ZC3H6: variants seen among roughly 807,000 people sequenced by gnomAD.
ZC3H6 encodes the protein zinc finger CCCH-type containing 6, also known as zinc finger CCCH domain-containing protein 6.
In ZC3H6, 40 loss-of-function variants were observed where a neutral mutation model predicts 107.7. The ratio of observed to expected loss-of-function variants is 0.37; its 90% CI spans 0.29 to 0.48. The LOEUF (loss-of-function observed/expected upper bound fraction) is 0.48. ZC3H6 is among the 20% of genes least tolerant of loss of function. ZC3H6 has a pLI of 0.98. For synonymous variants in ZC3H6, 493 were observed against 487.9 expected (o/e 1.01, Z -0.14); for missense variants, 1,267 against 1,410.4 (o/e 0.90, Z 1.63).
chr2:112,331,048 A>G lies in ZC3H6; in HGVS notation c.2130A>G (p.Gly710=). The G allele has an allele frequency of 6.4e-7, 1 of 1,566,540 alleles. No individual in the cohort carries two copies. Among genetic ancestry groups the G allele is most frequent in the Non-Finnish European group, 8.6e-7 (1 of 1,157,038 alleles). ...NWYSSSEEEE[G]SSVKSILKTL... is the part of the protein sequence containing the mutation. ...ATTCCAGTAGTGAAGAGGAAGAAGGAAGCAGTGTCAAATCAATACTGAAAA... is the reference window on the plus strand; with the variant it reads ...ATTCCAGTAGTGAAGAGGAAGAAGGGAGCAGTGTCAAATCAATACTGAAAA... Residue 710 remains glycine (G), a synonymous_variant, in exon 12 of 12, where the codon GGA becomes GGG. Transcript: ENST00000409871.
intron 3 of ZC3H6, among the ~76,000 whole-genome samples, chr2:112,308,404 T>TTTATTTATTTA (rs1553493700): frequency 7.2e-5 from 10 of 138,274 alleles, no homozygotes; most frequent in African/African-American, 2.8e-4. Context: ...TTTTATTTTA[T>TTTATTTATTTA]TTTATTTATT....
rs1402024491 is a variant in ZC3H6, at chr2:112,335,871, G to C, written c.*3383G>C. 6.6e-6 allele frequency: 1 copy of C among 152,056 alleles called. No homozygotes were observed. Among genetic ancestry groups the C allele is most frequent in the Admixed American group, 6.6e-5 (1 of 15,264 alleles). The allele number at this position is 152,056 out of a possible 1,614,324, so 9.4% of individuals were successfully genotyped here. A position where few individuals can be genotyped will look rare whatever the true frequency, so the allele number is the denominator to read the frequency against. ...CCCTGCCTTAGAGCTATATAGACTT[G>C]GGCCTCTTCAAGATCTGACTTCTCT... On this transcript the variant is annotated 3_prime_UTR_variant, in exon 12 of 12. Coordinates refer to ENST00000409871, the MANE Select transcript of ZC3H6 (RefSeq NM_198581.3).
rs1011532773 is a variant in ZC3H6 at position 112,335,602 on chromosome 2, A to T, written c.*3114A>T. The T allele has an allele frequency of 2.0e-5, 3 of 152,128 alleles. No individual in the cohort carries two copies. The East Asian group carries it at 5.8e-4, about 29-fold the overall frequency. 9.4% of individuals were successfully genotyped at this position (152,128 alleles called of 1,614,324 possible). On this transcript the variant is annotated 3_prime_UTR_variant, in exon 12 of 12. Coordinates refer to ENST00000409871, the MANE Select transcript of ZC3H6 (RefSeq NM_198581.3). ...AAAGAATGAATTATTTTTGTAAAGT[A>T]TTTGTAAATATAAAATTGCTTTATA...
chr2:112,286,300 C>G (rs900507566), intron 1 of ZC3H6: 13 of 253,140 alleles, frequency 5.1e-5, no homozygotes, highest in Non-Finnish European at 9.2e-5. Flanking sequence ...AAGCAGGTTT[C>G]AGCCAGGCTC....
chr2:112,310,944 T>C (rs1676581414), intron 4 of ZC3H6, among the ~76,000 whole-genome samples: 1 of 152,252 alleles, frequency 6.6e-6, no homozygotes, highest in South Asian at 2.1e-4. Flanking sequence ...ATGTAGGCTT[T>C]AGCTGAAATA....
chr2:112,284,372 T>C (rs922696972), intron 1 of ZC3H6, among the ~76,000 whole-genome samples: 6 of 151,976 alleles, frequency 3.9e-5, no homozygotes, highest in Non-Finnish European at 7.4e-5. Context: ...GAATGCCAAA[T>C]GGCCAAGTGT....
intron 1 of ZC3H6, among the ~76,000 whole-genome samples, chr2:112,293,201 C>T (rs1018769518): frequency 2.6e-5 from 4 of 152,118 alleles, no homozygotes; most frequent in African/African-American, 9.7e-5. Flanking sequence ...GGCCATTAGG[C>T]TAATTAAAAT....
intron 1 of ZC3H6, among the ~76,000 whole-genome samples, chr2:112,286,627 G>A (rs922036901): frequency 6.6e-6 from 1 of 152,172 alleles, no homozygotes; most frequent in Non-Finnish European, 1.5e-5. Flanking sequence ...TGGTAGAGAC[G>A]GGGTTTTGCC....
chr2:112,298,825 T>C (rs1220843968), intron 1 of ZC3H6, among the ~76,000 whole-genome samples: 5 of 152,194 alleles, frequency 3.3e-5, no homozygotes, highest in African/African-American at 9.7e-5. Flanking sequence ...AAAAAAGTTA[T>C]GATTCAAATG....
intron 1 of ZC3H6, among the ~76,000 whole-genome samples, chr2:112,292,864 T>A (rs1432486526): frequency 6.6e-6 from 1 of 152,212 alleles, no homozygotes; most frequent in Admixed American, 6.5e-5. Flanking sequence ...CAGTGTCCTC[T>A]CAGACACTCC....
chr2:112,282,548 A>G (rs1686546343), intron 1 of ZC3H6, among the ~76,000 whole-genome samples: 1 of 152,194 alleles, frequency 6.6e-6, no homozygotes, highest in African/African-American at 2.4e-5. Flanking sequence ...GAAACAGACA[A>G]CAGATTGGTA....
intron 1 of ZC3H6, among the ~76,000 whole-genome samples, chr2:112,289,013 T>TA (rs1015946806): frequency 4.3e-5 from 5 of 117,626 alleles, no homozygotes; most frequent in African/African-American, 1.6e-4. Context: ...ACCACCACCC[T>TA]ACTGACTTTG....
intron 1 of ZC3H6, among the ~76,000 whole-genome samples, chr2:112,295,057 C>A (rs1338215598): frequency 6.6e-6 from 1 of 152,034 alleles, no homozygotes; most frequent in Non-Finnish European, 1.5e-5. Flanking sequence ...ACAAAGTAAC[C>A]CTTTACCCAC....
chr2:112,327,627 A>G (rs1676936278), intron 11 of ZC3H6, among the ~76,000 whole-genome samples: 1 of 152,164 alleles, frequency 6.6e-6, no homozygotes, highest in South Asian at 2.1e-4. Context: ...TTCTGGTAGC[A>G]GTTTCATAGT....
At position 112,275,721 on chromosome 2, in the gene ZC3H6, G is replaced by C. The variant is rs934875490; in HGVS notation, c.-274G>C. 5 of 413,240 alleles carry C rather than the reference G, an allele frequency of 1.2e-5. No individual in the cohort carries two copies. The highest frequency in any genetic ancestry group is 1.1e-4 in the East Asian group (3 of 28,128). 25.6% of individuals were successfully genotyped at this position (413,240 alleles called of 1,614,324 possible). A position where few individuals can be genotyped will look rare whatever the true frequency, so the allele number is the denominator to read the frequency against. ...CGCCCGCTCCCACGCCACAGCCACCGGCGGCGAATAGAGACTAGAGCGGCA... is the reference window on the plus strand; with the variant it reads ...CGCCCGCTCCCACGCCACAGCCACCCGCGGCGAATAGAGACTAGAGCGGCA... On this transcript the variant is annotated 5_prime_UTR_variant, in exon 1 of 12. Transcript: ENST00000409871.
chr2:112,280,494 C>T (rs1686507681), intron 1 of ZC3H6, among the ~76,000 whole-genome samples: 1 of 151,964 alleles, frequency 6.6e-6, no homozygotes, highest in African/African-American at 2.4e-5. Context: ...TTCGTCTCTG[C>T]TAAGTATAGT....
Position 112,332,562 on chromosome 2 carries a change from C to T in ZC3H6, c.*74C>T. 7.1e-7 allele frequency: 1 copy of T among 1,404,962 alleles called. No homozygotes were observed. The highest frequency in any genetic ancestry group is 9.6e-7 in the Non-Finnish European group (1 of 1,043,560). The allele number at this position is 1,404,962 out of a possible 1,614,324, so 87.0% of individuals were successfully genotyped here. On this transcript the variant is annotated 3_prime_UTR_variant, in exon 12 of 12. Transcript: ENST00000409871. ...CTCTGCTGTTTTGTAACTGGTTTACCTCTATAGTTTATTTATTTTTAAATT... is the reference window on the plus strand; with the variant it reads ...CTCTGCTGTTTTGTAACTGGTTTACTTCTATAGTTTATTTATTTTTAAATT...
Position 112,337,157 on chromosome 2 carries a change from A to C in ZC3H6, c.*4669A>C, listed in dbSNP as rs923657849. 2 of 152,146 alleles carry C rather than the reference A, an allele frequency of 1.3e-5. No individual in the cohort carries two copies. The highest frequency in any genetic ancestry group is 6.6e-5 in the Admixed American group (1 of 15,266). 9.4% of individuals were successfully genotyped at this position (152,146 alleles called of 1,614,324 possible). On this transcript the variant is annotated 3_prime_UTR_variant, in exon 12 of 12. Coordinates refer to ENST00000409871, the MANE Select transcript of ZC3H6 (RefSeq NM_198581.3). ...CAGATTATGGCAACTTAGGAGCTCC[A>C]TGTTTCCATAATAATTCATAACTTT... is the stretch of plus-strand genomic sequence containing the variant.
At chr2:112,302,791 C>G (rs1320750602) in intron 2 of ZC3H6, among the ~76,000 whole-genome samples, 3 of 151,460 alleles carry the variant, frequency 2.0e-5, no homozygotes, top group African/African-American at 7.3e-5. Flanking sequence ...GTTTTGGTAT[C>G]TTTTAGTTTT....
Sources: gnomAD v4.1 joint callset for allele counts (sites outside exome capture counted in the v4.1 genomes callset) on GRCh38, gnomAD v4.1.1 for gene constraint, MANE v1.5 for transcripts, NCBI Gene and HGNC (gene_info 2026-07-23, HGNC 2026-07-21) for gene names.